The following FAM20C variants were observed in gnomAD, a reference collection of about 807,000 sequenced individuals.
The protein encoded by FAM20C is FAM20C golgi associated secretory pathway kinase.
A neutral mutation model predicts 51.5 loss-of-function variants in FAM20C; 40 were observed. The ratio of observed to expected loss-of-function variants is 0.78; its 90% CI spans 0.60 to 1.01. The LOEUF is 1.01. FAM20C is among the 50% of genes least tolerant of loss of function. The pLI, the probability that FAM20C is intolerant of heterozygous loss-of-function variation, is 0.00. For synonymous variants in FAM20C, 406 were observed against 380.6 expected, an observed-to-expected ratio of 1.07 and a Z score of -0.78; for missense variants, 861 against 844.7, an observed-to-expected ratio of 1.02 and a Z score of -0.24.
chr7:245,366 C>T (rs369692045), intron 3 of FAM20C, among the ~76,000 whole-genome samples: 1 of 152,300 alleles, frequency 6.6e-6, no homozygotes, highest in East Asian at 1.9e-4. Context: ...GGATTGGGGG[C>T]TGAGTTCCCT....
At chr7:225,630 G>A (rs1460263865) in intron 3 of FAM20C, among the ~76,000 whole-genome samples, 1 of 13,580 alleles carries the variant, frequency 7.4e-5, no homozygotes, top group South Asian at 2.6e-3. Flanking sequence ...GGGGTCGCAT[G>A]GCGGCTGTCC....
intron 3 of FAM20C, among the ~76,000 whole-genome samples, chr7:240,733 G>C (rs952666238): frequency 2.6e-4 from 39 of 152,298 alleles, no homozygotes; most frequent in Admixed American, 2.0e-3. Flanking sequence ...CTTGCCCTGG[G>C]GCCCTCTCCC....
intron 3 of FAM20C, among the ~76,000 whole-genome samples, chr7:240,411 G>GGTGATGATGATGATAAGGATGATA (rs1787904480): frequency 7.3e-6 from 1 of 136,230 alleles, no homozygotes; most frequent in African/African-American, 2.9e-5. Context: ...TAATGATGAT[G>GGTGATGATGATGATAAGGATGATA]ATGATGGTGA....
In FAM20C at chr7:257,100, C is replaced by T. The variant is rs550809892; in HGVS notation, c.1445+14C>T. ...CAATGGAAGAGGGTGAGCCTGTCCT[C>T]GCCCCTGCACACCCAGGGAAGGGCC... is the stretch of plus-strand genomic sequence containing the variant. On this transcript the variant is annotated intron_variant, in intron 8 of 9. Coordinates refer to ENST00000313766, the MANE Select transcript of FAM20C (RefSeq NM_020223.4). 7.2e-6 allele frequency: 11 copies of T among 1,536,496 alleles called. No individual in the cohort carries two copies. The Admixed American group carries it at 7.8e-5, about 11-fold the overall frequency.
At chr7:217,433 G>GGTAGAGCTGCACTGC (rs1554251303) in intron 3 of FAM20C, among the ~76,000 whole-genome samples, 1 of 4,766 alleles carries the variant, frequency 2.1e-4, no homozygotes, top group Admixed American at 7.4e-4. Context: ...GCTGCATTTG[G>GGTAGAGCTGCACTGC]CTGTTTGTGC....
Position 195,738 on chromosome 7 carries a change from T to A in FAM20C, c.784+6T>A. ...CCAGAGGATCACCAGCGTGGGTAGG[T>A]GTCCTTGGGTGCACTCAGGGCCGTC... On this transcript the variant is annotated splice_donor_region_variant and intron_variant, in intron 2 of 9. Transcript: ENST00000313766. 6.3e-7 allele frequency: 1 copy of A among 1,594,090 alleles called. No homozygotes were observed. The highest frequency in any genetic ancestry group is 8.6e-7 in the Non-Finnish European group (1 of 1,168,982).
At chr7:203,384 C>G (rs1290669988) in intron 2 of FAM20C, among the ~76,000 whole-genome samples, 1 of 152,004 alleles carries the variant, frequency 6.6e-6, no homozygotes, top group African/African-American at 2.4e-5. Flanking sequence ...ACCTTTTTTT[C>G]AAGGCCTGGC....
At chr7:232,683 G>A (rs981938721) in intron 3 of FAM20C, among the ~76,000 whole-genome samples, 32 of 152,158 alleles carry the variant, frequency 2.1e-4, no homozygotes, top group Non-Finnish European at 3.7e-4. Flanking sequence ...AGTGGGAACC[G>A]TTCTATGAGA....
chr7:207,903 G>T (rs1053499375), intron 2 of FAM20C, among the ~76,000 whole-genome samples: 1 of 152,250 alleles, frequency 6.6e-6, no homozygotes, highest in African/African-American at 2.4e-5. Flanking sequence ...AAATCCCGAG[G>T]TGGTGGGAGG....
intron 5 of FAM20C, among the ~76,000 whole-genome samples, chr7:254,850 G>A (rs148042338): frequency 6.6e-6 from 1 of 152,308 alleles, no homozygotes; most frequent in Non-Finnish European, 1.5e-5. Flanking sequence ...AGGGTCATAC[G>A]ACGTGTGGCC....
chr7:253,403 G>C (rs531011833), intron 5 of FAM20C, among the ~76,000 whole-genome samples: 1 of 152,224 alleles, frequency 6.6e-6, no homozygotes, highest in African/African-American at 2.4e-5. Flanking sequence ...TGCGCTCTCC[G>C]GGAGGCCAAC....
chr7:193,558 C>T lies in FAM20C; in HGVS notation c.359C>T (p.Ala120Val), dbSNP rs1245703345. 2.0e-6 allele frequency: 3 copies of T among 1,497,360 alleles called. No homozygotes were observed. The highest frequency in any genetic ancestry group is 2.7e-6 in the Non-Finnish European group (3 of 1,121,064). The allele number at this position is 1,497,360 out of a possible 1,614,324, so 92.8% of individuals were successfully genotyped here. A position where few individuals can be genotyped will look rare whatever the true frequency, so the allele number is the denominator to read the frequency against. ...LPPAAEPAERALRGRDPGALR... is the reference protein window; with the variant it reads ...LPPAAEPAERVLRGRDPGALR... The stretch of plus-strand genomic sequence containing the variant: ...CCCGCGGCCGAGCCGGCCGAGCGCG[C>T]CTTGCGGGGGCGGGATCCCGGCGCC... The change falls in exon 1 of 10, where the codon GCC becomes GTC. Residue 120 changes from alanine to valine, a missense_variant. Physicochemically the swap from Ala to Val is moderately conservative, Grantham distance 64. Transcript: ENST00000313766.
Position 258,782 on chromosome 7 carries a change from C to T in FAM20C, c.1505+77C>T. 5 of 1,324,018 alleles carry T rather than the reference C, an allele frequency of 3.8e-6. No individual in the cohort carries two copies. In the South Asian group the frequency reaches 7.3e-5, roughly 19 times the overall value. 82.0% of individuals were successfully genotyped at this position (1,324,018 alleles called of 1,614,324 possible). ...AGGAGACAGAGGAGGCCACAGCCTTCCCCACCCCACCCCGGCCATCACATG... is the reference window on the plus strand; with the variant it reads ...AGGAGACAGAGGAGGCCACAGCCTTTCCCACCCCACCCCGGCCATCACATG... On this transcript the variant is annotated intron_variant, in intron 9 of 9. Coordinates refer to ENST00000313766, the MANE Select transcript of FAM20C (RefSeq NM_020223.4).
intron 2 of FAM20C, among the ~76,000 whole-genome samples, chr7:206,763 C>A: frequency 4.0e-5 from 1 of 25,268 alleles, no homozygotes; most frequent in African/African-American, 1.1e-4. Context: ...CACTGTGACG[C>A]GTCTGTCACG....
intron 3 of FAM20C, among the ~76,000 whole-genome samples, chr7:231,222 C>T (rs938796750): frequency 2.0e-5 from 3 of 152,052 alleles, no homozygotes; most frequent in African/African-American, 4.8e-5. Context: ...GGGTCTGTTC[C>T]GGGGCAGCGA....
chr7:205,059 G>A (rs1786290706), intron 2 of FAM20C, among the ~76,000 whole-genome samples: 1 of 152,238 alleles, frequency 6.6e-6, no homozygotes, highest in Non-Finnish European at 1.5e-5. Flanking sequence ...TGCAGGAGCA[G>A]CCGAGTTTCT....
At chr7:220,246 C>T (rs1305072534) in intron 3 of FAM20C, among the ~76,000 whole-genome samples, 5 of 152,158 alleles carry the variant, frequency 3.3e-5, no homozygotes, top group African/African-American at 1.2e-4. Context: ...AGAGCCTGTC[C>T]CTTATAAACT....
Position 195,724 on chromosome 7 carries a change from C to T in FAM20C, c.776C>T (p.Thr259Ile). The T allele has an allele frequency of 2.5e-6, 4 of 1,605,118 alleles. No individual in the cohort carries two copies. Among genetic ancestry groups the T allele is most frequent in the East Asian group, 4.5e-5 (2 of 44,418 alleles). The change falls in exon 2 of 10, where the codon ACC becomes ATC. Residue 259 changes from threonine (T) to isoleucine (I), a missense_variant. Around this residue, in one of 3 missense-constraint regions of FAM20C, gnomAD observed 561 missense variants for 499.8 expected, o/e 1.12. Transcript: ENST00000313766. The stretch of plus-strand genomic sequence containing the variant: ...CACGACCTCAGCTCCCAGAGGATCA[C>T]CAGCGTGGGTAGGTGTCCTTGGGTG... ...LLHDLSSQRITSVAMKSGGTQ... is the reference protein window; with the variant it reads ...LLHDLSSQRIISVAMKSGGTQ...
intron 3 of FAM20C, among the ~76,000 whole-genome samples, chr7:231,900 C>T (rs1487728308): frequency 6.6e-6 from 1 of 152,138 alleles, no homozygotes; most frequent in Admixed American, 6.5e-5. Flanking sequence ...TGGGGCGGTC[C>T]TCTGTGCTGA....
Sources: gnomAD v4.1 joint callset for allele counts (sites outside exome capture counted in the v4.1 genomes callset) on GRCh38, gnomAD v4.1.1 for gene constraint, gnomAD v4.1.1 regional missense constraint, MANE v1.5 for transcripts, NCBI Gene and HGNC (gene_info 2026-07-23, HGNC 2026-07-21) for gene names.